Variants in NR0B1 observed in about 807,000 individuals in gnomAD.
NR0B1 encodes the protein nuclear receptor subfamily 0 group B member 1, also known as DSS-AHC critical region on the X chromosome protein 1.
Under a neutral mutation model 23.0 loss-of-function variants are expected in NR0B1, and 3 were observed. That is an observed-to-expected ratio of 0.13 (90% confidence interval 0.06 to 0.34). The LOEUF (loss-of-function observed/expected upper bound fraction) is 0.34, where lower values mean the gene tolerates loss of function less well. Among genes scored for constraint, NR0B1 ranks in the 10% least tolerant of loss-of-function variants. NR0B1 has a pLI of 1.00. For synonymous variants in NR0B1, 205 were observed against 184.0 expected (o/e 1.11, Z -0.92); for missense variants, 350 against 402.9 (o/e 0.87, Z 1.12).
In NR0B1 at chrX:30,309,020, A is replaced by T; in HGVS notation, c.344T>A (p.Val115Glu). Residue 115 changes from valine (V) to glutamate (E), a missense_variant, in exon 1 of 2, where the codon GTG becomes GAG. By Grantham distance (121) the Val-to-Glu change is moderately radical. Coordinates refer to ENST00000378970, the MANE Select transcript of NR0B1 (RefSeq NM_000475.5). ...WGCSCGSDPGVGRAGLPGGRP... is the reference protein window; with the variant it reads ...WGCSCGSDPGEGRAGLPGGRP... Reference sequence around the variant, plus strand: ...CCCACCCGGAAGCCCCGCTCTGCCCACCCCGGGATCAGAGCCGCACGAACA... The same window carrying T: ...CCCACCCGGAAGCCCCGCTCTGCCCTCCCCGGGATCAGAGCCGCACGAACA... The T allele has an allele frequency of 8.3e-7, 1 of 1,207,425 alleles. No homozygotes were observed. Among genetic ancestry groups the T allele is most frequent in the Non-Finnish European group, 1.1e-6 (1 of 894,719 alleles).
intron 1 of NR0B1, chrX:30,305,717 G>C: frequency 7.5e-6 from 3 of 400,110 alleles, no homozygotes; most frequent in Non-Finnish European, 1.3e-5. Flanking sequence ...ATAAGAGGAG[G>C]CTGCTTTTGA....
chrX:30,308,406 T>C lies in NR0B1; in HGVS notation c.958A>G (p.Ile320Val), dbSNP rs1252834662. 1 of 1,204,054 alleles carries C rather than the reference T, an allele frequency of 8.3e-7. No individual in the cohort carries two copies. Among genetic ancestry groups the C allele is most frequent in the African/African-American group, 1.8e-5 (1 of 56,972 alleles). The part of the protein sequence containing the change: ...EVSEPSMLQK[I>V]LTTRRRETGG... ...GTCTCCCGCCGCCTGGTGGTGAGGA[T>C]CTTCTGCAGCATGCTGGGCTCCGAG... Residue 320 changes from isoleucine (I) to valine (V), a missense_variant, in exon 1 of 2, where the codon ATC (isoleucine) becomes GTC (valine). By Grantham distance (29) the Ile-to-Val change is conservative (BLOSUM62 3). Transcript: ENST00000378970.
Position 30,304,424 on chromosome X carries a change from G to A in NR0B1, c.*155C>T, listed in dbSNP as rs1926482576. Reference sequence around the variant, plus strand: ...GAACAGAGAAATTTGTGACTGTCTGGAATAAAATTATTTCTTTAATTGAAT... The same window carrying A: ...GAACAGAGAAATTTGTGACTGTCTGAAATAAAATTATTTCTTTAATTGAAT... On this transcript the variant is annotated 3_prime_UTR_variant, in exon 2 of 2. Transcript: ENST00000378970. 4.8e-6 allele frequency: 3 copies of A among 622,546 alleles called. No homozygotes were observed. The Admixed American group carries it at 9.7e-5, about 20-fold the overall frequency. 51.3% of individuals were successfully genotyped at this position (622,546 alleles called of 1,213,427 possible).
rs770842444 is a variant in NR0B1, at chrX:30,309,212, C to T, written c.152G>A (p.Arg51Lys). The T allele has an allele frequency of 3.1e-4, 380 of 1,208,911 alleles. 2 individuals carry two copies. In the East Asian group the frequency reaches 0.011, roughly 35 times the overall value. ...CSCGDEPGVG[R>K]EGLLGGRNVA... ...GTTCCGCCCGCCCAGCAGCCCCTCTCTGCCCACCCCGGGCTCATCGCCGCA... is the reference window on the plus strand; with the variant it reads ...GTTCCGCCCGCCCAGCAGCCCCTCTTTGCCCACCCCGGGCTCATCGCCGCA... Residue 51 changes from arginine (R) to lysine (K), a missense_variant, in exon 1 of 2, where the codon AGA (arginine) becomes AAA (lysine). By Grantham distance (26) the Arg-to-Lys change is conservative. Transcript: ENST00000378970.
rs771452883 is a variant in NR0B1 at position 30,308,809 on chromosome X, C to T, written c.555G>A (p.Glu185=). ...SYFAQRPGGK[E]ALPGGRATAL... is the part of the protein sequence containing the mutation. ...CCGTGGCCCGCCCGCCTGGTAGCGC[C>T]TCTTTACCCCCTGGCCTCTGCGCGA... is the stretch of plus-strand genomic sequence containing the variant. The change falls in exon 1 of 2, where the codon GAG becomes GAA. Residue 185 remains glutamate, a synonymous_variant. Transcript: ENST00000378970. 4 of 1,199,984 alleles carry T rather than the reference C, an allele frequency of 3.3e-6. No individual in the cohort carries two copies. The South Asian group carries it at 7.2e-5, about 22-fold the overall frequency.
At chrX:30,306,627 T>C (rs747802864) in intron 1 of NR0B1, among the ~76,000 whole-genome samples, 13 of 104,394 alleles carry the variant, frequency 1.2e-4, no homozygotes, top group Non-Finnish European at 8.0e-5. Context: ...TAAAAGTATA[T>C]AAAACAGAGT....
chrX:30,308,949 G>C lies in NR0B1; in HGVS notation c.415C>G (p.His139Asp). The part of the protein sequence containing the change: ...LYRCCFCGED[H>D]PRQGSILYSL... ...TAGAGGATGCTGCCCTGCCGCGGGTGGTCTTCACCACAAAAGCAGCAGCGG... is the reference window on the plus strand; with the variant it reads ...TAGAGGATGCTGCCCTGCCGCGGGTCGTCTTCACCACAAAAGCAGCAGCGG... The change falls in exon 1 of 2, where the codon CAC becomes GAC. Residue 139 changes from histidine to aspartate, a missense_variant. By Grantham distance (81) the His-to-Asp change is moderately conservative. This residue lies in a region of NR0B1 where 298 missense variants were observed against 314.0 expected (regional missense o/e 0.95). Coordinates refer to ENST00000378970, the MANE Select transcript of NR0B1 (RefSeq NM_000475.5). 1 of 1,211,424 alleles carries C rather than the reference G, an allele frequency of 8.3e-7. No homozygotes were observed. Among genetic ancestry groups the C allele is most frequent in the Non-Finnish European group, 1.1e-6 (1 of 895,451 alleles).
chrX:30,306,701 C>A (rs1157585943), intron 1 of NR0B1, among the ~76,000 whole-genome samples: 1 of 110,742 alleles, frequency 9.0e-6, no homozygotes, highest in Non-Finnish European at 1.9e-5. Context: ...GCCCCTCTCA[C>A]CTTTATATCC....
chrX:30,304,468 T>C lies in NR0B1; in HGVS notation c.*111A>G, dbSNP rs1926483325. The C allele has an allele frequency of 1.1e-6, 1 of 879,620 alleles. No individual in the cohort carries two copies. The highest frequency in any genetic ancestry group is 1.6e-6 in the Non-Finnish European group (1 of 620,231). The allele number at this position is 879,620 out of a possible 1,213,427, so 72.5% of individuals were successfully genotyped here. A position where few individuals can be genotyped will look rare whatever the true frequency, so the allele number is the denominator to read the frequency against. On this transcript the variant is annotated 3_prime_UTR_variant, in exon 2 of 2. Coordinates refer to ENST00000378970, the MANE Select transcript of NR0B1 (RefSeq NM_000475.5). ...ATTGAATACAAAAATACTCTGCATG[T>C]AAAAATATTAAGAAAGTTTATTTTA...
In NR0B1 at chrX:30,304,250, T is replaced by TA. The variant is rs1311512498; in HGVS notation, c.*328dup. 1.1e-5 allele frequency: 2 copies of TA among 180,759 alleles called. No homozygotes were observed. Among genetic ancestry groups the TA allele is most frequent in the Admixed American group, 1.4e-4 (2 of 13,873 alleles). 14.9% of individuals were successfully genotyped at this position (180,759 alleles called of 1,213,427 possible). ...TAATAGTTAAGACCTTAAAATTTAT[T>TA]ATAACAATATGTACAAATTTGATTT... On this transcript the variant is annotated 3_prime_UTR_variant, in exon 2 of 2. Coordinates refer to ENST00000378970, the MANE Select transcript of NR0B1 (RefSeq NM_000475.5).
At position 30,304,642 on chromosome X, in the gene NR0B1, C is replaced by T. The variant is rs933469949; in HGVS notation, c.1350G>A (p.Arg450=). 2 of 1,209,240 alleles carry T rather than the reference C, an allele frequency of 1.7e-6. No homozygotes were observed. Among genetic ancestry groups the T allele is most frequent in the South Asian group, 1.8e-5 (1 of 56,895 alleles). ...CCATGCTGACTGTGCCGATGATGGG[C>T]CTGAAGAACAGTTCAGCAATGACAT... is the stretch of plus-strand genomic sequence containing the variant. ...NANVIAELFF[R]PIIGTVSMDD... The change falls in exon 2 of 2, where the codon AGG becomes AGA. Residue 450 remains arginine, a synonymous_variant. Coordinates refer to ENST00000378970, the MANE Select transcript of NR0B1 (RefSeq NM_000475.5).
At chrX:30,306,370 T>A (rs1297783183) in intron 1 of NR0B1, among the ~76,000 whole-genome samples, 1 of 111,464 alleles carries the variant, frequency 9.0e-6, no homozygotes, top group East Asian at 2.8e-4. Flanking sequence ...CAGTTTTATA[T>A]CTCCTTAAGT....
intron 1 of NR0B1, chrX:30,305,557 T>G (rs1445308680): frequency 9.3e-6 from 2 of 213,963 alleles, no homozygotes; most frequent in East Asian, 8.3e-5. Context: ...AAAGTAAACA[T>G]GAAAACATCA....
chrX:30,308,638 C>A lies in NR0B1; in HGVS notation c.726G>T (p.Ala242=), dbSNP rs771796111. The part of the protein sequence containing the change: ...RAPWWDTSSG[A]LRPVALKSPQ... ...GACTCTTGAGCGCCACCGGCCGCAG[C>A]GCACCAGAGGAGGTGTCCCACCAGG... The change falls in exon 1 of 2, where the codon GCG becomes GCT. Residue 242 remains alanine (A), a synonymous_variant. Coordinates refer to ENST00000378970, the MANE Select transcript of NR0B1 (RefSeq NM_000475.5). 1 of 1,205,203 alleles carries A rather than the reference C, an allele frequency of 8.3e-7. No homozygotes were observed. Among genetic ancestry groups the A allele is most frequent in the Non-Finnish European group, 1.1e-6 (1 of 893,274 alleles).
In NR0B1 at chrX:30,304,660, A is replaced by G. The variant is rs199843456; in HGVS notation, c.1332T>C (p.Ile444=). 4.1e-6 allele frequency: 5 copies of G among 1,208,112 alleles called. No homozygotes were observed. ...FLLRFINANV[I]AELFFRPIIG... is the part of the protein sequence containing the mutation. ...TGATGGGCCTGAAGAACAGTTCAGC[A>G]ATGACATTGGCATTGATGAATCTCA... The change falls in exon 2 of 2, where the codon ATT becomes ATC. Residue 444 remains isoleucine, a synonymous_variant. Coordinates refer to ENST00000378970, the MANE Select transcript of NR0B1 (RefSeq NM_000475.5).
Position 30,304,451 on chromosome X carries a change from CA to C in NR0B1, c.*127del. 1 of 764,080 alleles carries C rather than the reference CA, an allele frequency of 1.3e-6. No homozygotes were observed. Among genetic ancestry groups the C allele is most frequent in the Non-Finnish European group, 1.9e-6 (1 of 526,955 alleles). 63.0% of individuals were successfully genotyped at this position (764,080 alleles called of 1,213,427 possible). On this transcript the variant is annotated 3_prime_UTR_variant, in exon 2 of 2. Transcript: ENST00000378970. ...ATAAAATTATTTCTTTAATTGAATA[CA>C]AAAATACTCTGCATGTAAAAATATT...
Position 30,308,796 on chromosome X carries a change from C to T in NR0B1, c.568G>A (p.Gly190Arg), listed in dbSNP as rs747161880. The part of the protein sequence containing the change: ...RPGGKEALPG[G>R]RATALLYRCC... ...CGGTACAGAAGCGCCGTGGCCCGCC[C>T]GCCTGGTAGCGCCTCTTTACCCCCT... is the stretch of plus-strand genomic sequence containing the variant. Residue 190 changes from glycine to arginine, a missense_variant, in exon 1 of 2, where the codon GGG becomes AGG. This residue lies in a region of NR0B1 where 298 missense variants were observed against 314.0 expected (regional missense o/e 0.95). Coordinates refer to ENST00000378970, the MANE Select transcript of NR0B1 (RefSeq NM_000475.5). 12 of 1,195,869 alleles carry T rather than the reference C, an allele frequency of 1.0e-5. No individual in the cohort carries two copies. Among genetic ancestry groups the T allele is most frequent in the African/African-American group, 1.8e-5 (1 of 56,795 alleles).
chrX:30,308,857 G>A lies in NR0B1; in HGVS notation c.507C>T (p.Gly169=). The change falls in exon 1 of 2, where the codon GGC becomes GGT. Residue 169 remains glycine, a synonymous_variant. Transcript: ENST00000378970. ...APAAPEARPG[G]AWWDRSYFAQ... ...CGAAGTAGGAGCGGTCCCACCACGC[G>A]CCCCCTGGCCGTGCCTCGGGCGCTG... The A allele has an allele frequency of 8.5e-7, 1 of 1,171,427 alleles. No homozygotes were observed. The highest frequency in any genetic ancestry group is 1.1e-6 in the Non-Finnish European group (1 of 875,875).
rs1401110899 is a variant in NR0B1, at chrX:30,309,046, G to A, written c.318C>T (p.Gly106=). Reference sequence around the variant, plus strand: ...CCCCGGGATCAGAGCCGCACGAACAGCCCCAGCACGGACCCAGCGTCGCCT... The same window carrying A: ...CCCCGGGATCAGAGCCGCACGAACAACCCCAGCACGGACCCAGCGTCGCCT... ...APEATLGPCW[G]CSCGSDPGVG... Residue 106 remains glycine (G), a synonymous_variant, in exon 1 of 2, where the codon GGC becomes GGT. Coordinates refer to ENST00000378970, the MANE Select transcript of NR0B1 (RefSeq NM_000475.5). 8.3e-7 allele frequency: 1 copy of A among 1,208,147 alleles called. No individual in the cohort carries two copies. Among genetic ancestry groups the A allele is most frequent in the Non-Finnish European group, 1.1e-6 (1 of 894,835 alleles).
Sources: allele counts gnomAD v4.1 joint callset (sites outside exome capture counted in the v4.1 genomes callset), GRCh38; gene constraint gnomAD v4.1.1; regional missense constraint gnomAD v4.1.1; transcripts MANE v1.5; gene names NCBI Gene and HGNC (gene_info 2026-07-23, HGNC 2026-07-21).